CUL1: variants seen among roughly 807,000 people sequenced by gnomAD.
The protein encoded by CUL1 is cullin 1, also known as cullin-1.
CUL1 carries 24 observed loss-of-function variants against 118.0 expected under a neutral mutation model. The observed-to-expected ratio is 0.20, with a 90% CI of 0.15 to 0.29. The LOEUF is 0.29. Among genes scored for constraint, CUL1 ranks in the 10% least tolerant of loss-of-function variants. CUL1 has a pLI of 1.00. For missense variants in CUL1, 361 were observed against 933.8 expected, an observed-to-expected ratio of 0.39 and a Z score of 7.99; for synonymous variants, 332 against 340.4, an observed-to-expected ratio of 0.98 and a Z score of 0.27.
chr7:148,725,209 A>ACGCGCGCGCG (rs1459869213), intron 1 of CUL1, among the ~76,000 whole-genome samples: 17 of 140,366 alleles, frequency 1.2e-4, no homozygotes, highest in Admixed American at 1.1e-3. Flanking sequence ...ACACACACAC[A>ACGCGCGCGCG]CACGCGCGCG....
chr7:148,725,153 G>A (rs950476281), intron 1 of CUL1, among the ~76,000 whole-genome samples: 4 of 151,788 alleles, frequency 2.6e-5, no homozygotes, highest in Admixed American at 6.6e-5. Context: ...CTTGAGTGAC[G>A]CATCAATAGA....
chr7:148,744,691 C>T (rs1799253500), intron 2 of CUL1, among the ~76,000 whole-genome samples: 1 of 152,144 alleles, frequency 6.6e-6, no homozygotes, highest in Admixed American at 6.5e-5. Context: ...TATATTTACC[C>T]AGATACTTAC....
At chr7:148,736,921 G>A (rs1200364386) in intron 2 of CUL1, among the ~76,000 whole-genome samples, 1 of 152,182 alleles carries the variant, frequency 6.6e-6, no homozygotes, top group East Asian at 1.9e-4. Flanking sequence ...CATATGGAAA[G>A]GAACTGTCCC....
chr7:148,783,291 ACG>A (rs1800706045), intron 9 of CUL1: 1 of 980,320 alleles, frequency 1.0e-6, no homozygotes, highest in Non-Finnish European at 1.2e-6. Flanking sequence ...CGGCATCGCC[ACG>A]CGGATCCGCG....
At chr7:148,771,879 A>AGGG (rs141261842) in intron 9 of CUL1, among the ~76,000 whole-genome samples, 2,881 of 152,262 alleles carry the variant, frequency 0.019, 90 homozygotes, top group African/African-American at 0.066. Flanking sequence ...TGAGGCTTGA[A>AGGG]GGGGAGCATC....
chr7:148,738,441 A>G (rs573966598), intron 2 of CUL1, among the ~76,000 whole-genome samples: 35 of 152,312 alleles, frequency 2.3e-4, no homozygotes, highest in Middle Eastern at 3.4e-3. Context: ...ATGACAGAAG[A>G]GTTGTAGGAC....
At chr7:148,777,793 C>T (rs1490441907) in intron 9 of CUL1, among the ~76,000 whole-genome samples, 2 of 151,138 alleles carry the variant, frequency 1.3e-5, no homozygotes, top group African/African-American at 2.4e-5. Context: ...AGGTCAGGCA[C>T]GGTGGGTGAT....
chr7:148,757,572 GAATT>G (rs889800545), intron 4 of CUL1, among the ~76,000 whole-genome samples: 17 of 152,268 alleles, frequency 1.1e-4, no homozygotes, highest in Non-Finnish European at 2.1e-4. Context: ...AGAGGACCCT[GAATT>G]AATTAATTAC....
intron 2 of CUL1, among the ~76,000 whole-genome samples, chr7:148,742,290 G>A (rs1192404157): frequency 6.6e-6 from 1 of 152,146 alleles, no homozygotes. Context: ...ACGTGGCTGG[G>A]GAGGCCTCAC....
At chr7:148,778,096 A>AAAAAAAAAAAAAAC (rs1563166639) in intron 9 of CUL1, among the ~76,000 whole-genome samples, 1 of 59,306 alleles carries the variant, frequency 1.7e-5, no homozygotes, top group Non-Finnish European at 3.1e-5. Flanking sequence ...AAAAAAAAAA[A>AAAAAAAAAAAAAAC]AGAAGAAGAA....
intron 1 of CUL1, among the ~76,000 whole-genome samples, chr7:148,728,563 A>C (rs1798659176): frequency 6.6e-6 from 1 of 152,222 alleles, no homozygotes; most frequent in African/African-American, 2.4e-5. Context: ...CACATAGGAA[A>C]CATTTCCAGA....
chr7:148,741,239 A>G (rs1483446940), intron 2 of CUL1, among the ~76,000 whole-genome samples: 2 of 152,196 alleles, frequency 1.3e-5, no homozygotes, highest in East Asian at 1.9e-4. Flanking sequence ...CTATGTAGAC[A>G]TATGTTTTCA....
chr7:148,739,086 C>G (rs1285897272), intron 2 of CUL1, among the ~76,000 whole-genome samples: 1 of 152,192 alleles, frequency 6.6e-6, no homozygotes, highest in African/African-American at 2.4e-5. Context: ...CCTCATAATT[C>G]AGGAATACAT....
intron 14 of CUL1, among the ~76,000 whole-genome samples, chr7:148,788,895 G>A (rs1001448527): frequency 1.3e-5 from 2 of 152,222 alleles, no homozygotes; most frequent in African/African-American, 2.4e-5. Flanking sequence ...CTGGGGCAAG[G>A]TCACCACCTG....
At chr7:148,783,939 G>A (rs1800738472) in intron 10 of CUL1, 32 bp from the exon 11 acceptor site, 1 of 1,613,388 alleles carries the variant, frequency 6.2e-7, no homozygotes. Context: ...TGGATGGGGC[G>A]TTTGTCTCTA....
At chr7:148,716,657 G>A (rs914567725) in intron 1 of CUL1, among the ~76,000 whole-genome samples, 2 of 152,146 alleles carry the variant, frequency 1.3e-5, no homozygotes, top group Non-Finnish European at 2.9e-5. Flanking sequence ...CTACACTTAC[G>A]TGTTAGTATT....
rs1206783110 is a variant in CUL1, at chr7:148,790,583, G to GT, written c.1806+143dup. The GT allele has an allele frequency of 5.6e-6, 4 of 720,186 alleles. No individual in the cohort carries two copies. The African/African-American group carries it at 7.1e-5, about 13-fold the overall frequency. The allele number at this position is 720,186 out of a possible 1,614,324, so 44.6% of individuals were successfully genotyped here. Reference sequence around the variant, plus strand: ...AGTGGCAGGTTTAAAGCATGGAGTTGTAAGAATCAGATGAACCAAATTCCA... The same window carrying GT: ...AGTGGCAGGTTTAAAGCATGGAGTTGTTAAGAATCAGATGAACCAAATTCCA... On this transcript the variant is annotated intron_variant, in intron 16 of 21. Transcript: ENST00000325222.
At chr7:148,762,403 A>C (rs1366688292) in intron 7 of CUL1, among the ~76,000 whole-genome samples, 1 of 152,194 alleles carries the variant, frequency 6.6e-6, no homozygotes, top group Admixed American at 6.5e-5. Flanking sequence ...CAAAAATGGA[A>C]CTATTCGGGG....
chr7:148,759,401 G>A (rs192771615), intron 5 of CUL1, 47 bp downstream of exon 5: 28 of 1,593,736 alleles, frequency 1.8e-5, no homozygotes, highest in East Asian at 4.5e-5. Flanking sequence ...AAATCCCTTC[G>A]CAGTTTCGTT....
Sources: gnomAD v4.1 joint callset for allele counts (sites outside exome capture counted in the v4.1 genomes callset) on GRCh38, gnomAD v4.1.1 for gene constraint, MANE v1.5 for transcripts, NCBI Gene and HGNC (gene_info 2026-07-23, HGNC 2026-07-21) for gene names.